The following DPYD variants were observed in gnomAD, a reference collection of about 807,000 sequenced individuals.
DPYD encodes dihydropyrimidine dehydrogenase, also known as dihydropyrimidine dehydrogenase [NADP(+)].
A neutral mutation model predicts 116.2 loss-of-function variants in DPYD; 109 were observed. That is an observed-to-expected ratio of 0.94 (90% confidence interval 0.80 to 1.10). The LOEUF is 1.10. Among genes scored for constraint, DPYD ranks in the 50% least tolerant of loss-of-function variants. The pLI is 0.00. For synonymous variants in DPYD, 440 were observed against 432.0 expected (o/e 1.02, Z -0.23); for missense variants, 1,302 against 1,254.5 (o/e 1.04, Z -0.57).
intron 1 of DPYD, among the ~76,000 whole-genome samples, chr1:97,889,857 A>G (rs922905916): frequency 6.6e-6 from 1 of 152,002 alleles, no homozygotes; most frequent in Non-Finnish European, 1.5e-5. Context: ...CTAGATGAAA[A>G]AACAACTTCT....
intron 8 of DPYD, among the ~76,000 whole-genome samples, chr1:97,598,266 T>C (rs1354912156): frequency 6.6e-6 from 1 of 152,228 alleles, no homozygotes; most frequent in Admixed American, 6.5e-5. Flanking sequence ...AATAGTCATC[T>C]ATCAAAGGAA....
At chr1:97,565,130 C>T (rs1340343229) in intron 11 of DPYD, among the ~76,000 whole-genome samples, 2 of 152,126 alleles carry the variant, frequency 1.3e-5, no homozygotes, top group Non-Finnish European at 2.9e-5. Context: ...GTCAGCTTCT[C>T]ATAACGGCAT....
At chr1:97,355,487 A>G (rs1391781982) in intron 16 of DPYD, among the ~76,000 whole-genome samples, 2 of 152,138 alleles carry the variant, frequency 1.3e-5, no homozygotes, top group African/African-American at 2.4e-5. Context: ...AATATATCTC[A>G]TAGTAAAAAG....
At chr1:97,321,388 GA>G in intron 16 of DPYD, among the ~76,000 whole-genome samples, 1 of 6,222 alleles carries the variant, frequency 1.6e-4, no homozygotes, top group African/African-American at 1.7e-4. Context: ...AAATTTACAA[GA>G]AAAAAAAAAC....
chr1:97,228,636 T>G (rs552722682), intron 19 of DPYD, among the ~76,000 whole-genome samples: 2 of 152,332 alleles, frequency 1.3e-5, no homozygotes, highest in East Asian at 3.9e-4. Flanking sequence ...TATACTCTAG[T>G]GTATCAGCAC....
At chr1:97,559,965 G>A (rs1050552416) in intron 11 of DPYD, among the ~76,000 whole-genome samples, 2 of 152,148 alleles carry the variant, frequency 1.3e-5, no homozygotes, top group Non-Finnish European at 2.9e-5. Context: ...TTTTATAGTT[G>A]AGGAATGTGA....
At chr1:97,101,469 CAAAAAAA>C (rs59063384) in intron 20 of DPYD, among the ~76,000 whole-genome samples, 8 of 91,070 alleles carry the variant, frequency 8.8e-5, no homozygotes, top group African/African-American at 2.5e-4. Context: ...TTTGATCTTG[CAAAAAAA>C]AAAAAAAAAA....
intron 18 of DPYD, among the ~76,000 whole-genome samples, chr1:97,292,730 AC>A (rs1666291928): frequency 1.4e-5 from 2 of 139,572 alleles, no homozygotes; most frequent in Non-Finnish European, 3.2e-5. Flanking sequence ...GAGCACACAC[AC>A]ACACACACAC....
chr1:97,118,563 A>T (rs1409686066), intron 20 of DPYD, among the ~76,000 whole-genome samples: 1 of 152,168 alleles, frequency 6.6e-6, no homozygotes, highest in Non-Finnish European at 1.5e-5. Flanking sequence ...TATAAGCTGC[A>T]TTGCTGTTTA....
At chr1:97,833,373 C>T (rs1557996319) in intron 2 of DPYD, among the ~76,000 whole-genome samples, 1 of 152,052 alleles carries the variant, frequency 6.6e-6, no homozygotes, top group Non-Finnish European at 1.5e-5. Context: ...AACTTGCTCA[C>T]ATGTAGTAAG....
chr1:97,264,758 T>TA (rs1664123468), intron 18 of DPYD, among the ~76,000 whole-genome samples: 1 of 151,914 alleles, frequency 6.6e-6, no homozygotes, highest in African/African-American at 2.4e-5. Context: ...AAGGCAAAGC[T>TA]AATTTATATT....
At chr1:97,471,741 C>G (rs1031731823) in intron 13 of DPYD, among the ~76,000 whole-genome samples, 7 of 152,150 alleles carry the variant, frequency 4.6e-5, no homozygotes, top group South Asian at 2.1e-4. Context: ...AGGCGCCCAC[C>G]ACCATGCCCA....
intron 20 of DPYD, among the ~76,000 whole-genome samples, chr1:97,153,177 T>C (rs984903646): frequency 2.0e-5 from 3 of 152,142 alleles, no homozygotes; most frequent in African/African-American, 7.2e-5. Flanking sequence ...CATACTTTTT[T>C]CCATTACTAC....
At chr1:97,275,351 GA>G (rs1385337886) in intron 18 of DPYD, among the ~76,000 whole-genome samples, 1 of 152,166 alleles carries the variant, frequency 6.6e-6, no homozygotes, top group Non-Finnish European at 1.5e-5. Context: ...ATCTTTGTTT[GA>G]ATTGCTCCTT....
intron 14 of DPYD, among the ~76,000 whole-genome samples, chr1:97,411,139 G>A (rs1673970573): frequency 6.6e-6 from 1 of 152,122 alleles, no homozygotes; most frequent in South Asian, 2.1e-4. Context: ...CTCTACATGA[G>A]ACATAAAGAT....
At chr1:97,313,030 A>G (rs1667606254) in intron 16 of DPYD, among the ~76,000 whole-genome samples, 1 of 151,952 alleles carries the variant, frequency 6.6e-6, no homozygotes, top group Admixed American at 6.6e-5. Flanking sequence ...CGTGCTGAAC[A>G]CTAAGATGAA....
intron 20 of DPYD, among the ~76,000 whole-genome samples, chr1:97,181,541 T>C (rs1657644115): frequency 6.6e-6 from 1 of 152,062 alleles, no homozygotes; most frequent in African/African-American, 2.4e-5. Context: ...GGATAGGAGG[T>C]GCTTCAAAAG....
chr1:97,277,027 TA>T (rs746741153), intron 18 of DPYD, among the ~76,000 whole-genome samples: 2 of 152,120 alleles, frequency 1.3e-5, no homozygotes, highest in African/African-American at 4.8e-5. Flanking sequence ...TATGCAGCCA[TA>T]AAAAAGAATA....
intron 14 of DPYD, among the ~76,000 whole-genome samples, chr1:97,390,931 T>G (rs7541618): frequency 0.27 from 40,398 of 151,694 alleles, 5,616 homozygotes; most frequent in South Asian, 0.43. Context: ...AAATATATTA[T>G]ATACTTTTCA....
Sources: allele counts gnomAD v4.1 joint callset (sites outside exome capture counted in the v4.1 genomes callset), GRCh38; gene constraint gnomAD v4.1.1; transcripts MANE v1.5; gene names NCBI Gene and HGNC (gene_info 2026-07-23, HGNC 2026-07-21).